CAST: variants seen among roughly 807,000 people sequenced by gnomAD.
CAST encodes calpastatin, also known as MIR583 host.
In CAST, 76 loss-of-function variants were observed where a neutral mutation model predicts 119.6. The ratio of observed to expected loss-of-function variants is 0.64; its 90% confidence interval spans 0.53 to 0.77. The LOEUF (loss-of-function observed/expected upper bound fraction) is 0.77. Ranked by LOEUF, CAST falls within the 30% of genes least tolerant of loss-of-function variation. CAST has a pLI of 0.00. For missense variants in CAST, 953 were observed against 946.5 expected (o/e 1.01, Z -0.09); for synonymous variants, 319 against 331.6 (o/e 0.96, Z 0.41).
At chr5:96,534,714 G>GGAAGGAAGGAAGGAAGGAAGGAAGGA (rs1554066221) in intron 1 of CAST, among the ~76,000 whole-genome samples, 4 of 13,964 alleles carry the variant, frequency 2.9e-4, no homozygotes, top group Non-Finnish European at 5.0e-4. Flanking sequence ...AAGGAAGGAA[G>GGAAGGAAGGAAGGAAGGAAGGAAGGA]GAGAGAGAGA....
At chr5:96,132,351 T>G in the CAST span, among the ~76,000 whole-genome samples, 1 of 152,142 alleles carries the variant, frequency 6.6e-6, no homozygotes, top group African/African-American at 2.4e-5. Context: ...CAATGCATAA[T>G]GATCAAATTA....
At chr5:96,238,554 AT>A in the CAST span, among the ~76,000 whole-genome samples, 45,588 of 136,076 alleles carry the variant, frequency 0.34, 7,169 homozygotes, top group Admixed American at 0.43. Flanking sequence ...CACCTGGCTA[AT>A]TTTTTTTTTT....
At chr5:96,496,956 C>G in the CAST span, among the ~76,000 whole-genome samples, 1 of 151,750 alleles carries the variant, frequency 6.6e-6, no homozygotes, top group East Asian at 1.9e-4. Flanking sequence ...GTGTACTGCA[C>G]CCAGTAACTC....
the CAST span, among the ~76,000 whole-genome samples, chr5:96,317,818 A>ACAAAC: frequency 6.6e-6 from 1 of 152,168 alleles, no homozygotes; most frequent in Admixed American, 6.5e-5. Context: ...TTTTTAGGAA[A>ACAAAC]CAAACCAAAC....
At chr5:96,153,817 T>C in the CAST span, among the ~76,000 whole-genome samples, 1 of 152,234 alleles carries the variant, frequency 6.6e-6, no homozygotes, top group East Asian at 1.9e-4. Flanking sequence ...ACATAGTCTC[T>C]GACCTGAAGT....
intron 2 of CAST, among the ~76,000 whole-genome samples, chr5:96,684,369 G>T (rs73774385): frequency 6.6e-6 from 1 of 151,972 alleles, no homozygotes; most frequent in East Asian, 1.9e-4. Context: ...GGTGAGTCTC[G>T]TATTGATGTC....
the CAST span, among the ~76,000 whole-genome samples, chr5:96,021,194 G>C: frequency 9.2e-5 from 14 of 152,264 alleles, no homozygotes; most frequent in African/African-American, 2.9e-4. Context: ...AGAAACTCTA[G>C]CATCATAGGA....
chr5:96,109,189 G>A, the CAST span, among the ~76,000 whole-genome samples: 2 of 152,204 alleles, frequency 1.3e-5, no homozygotes, highest in African/African-American at 4.8e-5. Flanking sequence ...CGTCTTCTGT[G>A]TCGCTCACAC....
the CAST span, among the ~76,000 whole-genome samples, chr5:96,276,622 CT>C: frequency 6.6e-6 from 1 of 152,338 alleles, no homozygotes; most frequent in East Asian, 1.9e-4. Context: ...TCTACTATTG[CT>C]GAATATTTTT....
At chr5:96,088,786 G>A in the CAST span, among the ~76,000 whole-genome samples, 2 of 152,002 alleles carry the variant, frequency 1.3e-5, no homozygotes, top group African/African-American at 2.4e-5. Context: ...CCTTTTCCCC[G>A]AGAAACAGGG....
the CAST span, among the ~76,000 whole-genome samples, chr5:96,006,991 C>G: frequency 6.6e-6 from 1 of 152,106 alleles, no homozygotes; most frequent in African/African-American, 2.4e-5. Context: ...GCATAATAAC[C>G]TATAATTTTA....
the CAST span, among the ~76,000 whole-genome samples, chr5:96,321,620 A>G: frequency 6.6e-6 from 1 of 152,216 alleles, no homozygotes; most frequent in Admixed American, 6.5e-5. Context: ...ACAAGTCACC[A>G]GTGTCCTCAT....
chr5:96,400,005 T>C, the CAST span: 1 of 1,614,212 alleles, frequency 6.2e-7, no homozygotes, highest in Admixed American at 1.7e-5. Flanking sequence ...TCAGGCACGC[T>C]CCTCCAGGTC....
the CAST span, among the ~76,000 whole-genome samples, chr5:96,229,211 CAAATG>C: frequency 7.9e-5 from 12 of 151,144 alleles, no homozygotes; most frequent in African/African-American, 2.9e-4. Context: ...ATCACAAACA[CAAATG>C]AAATCGTATT....
the CAST span, among the ~76,000 whole-genome samples, chr5:96,459,338 G>A: frequency 2.0e-5 from 3 of 152,070 alleles, no homozygotes; most frequent in Admixed American, 6.6e-5. Context: ...GTCGTATATT[G>A]TAATGTAGAT....
At chr5:96,303,035 T>A in the CAST span, among the ~76,000 whole-genome samples, 1 of 152,156 alleles carries the variant, frequency 6.6e-6, no homozygotes, top group East Asian at 1.9e-4. Context: ...GACTGTGTGA[T>A]GTATAAAGAG....
At chr5:96,416,108 A>G in the CAST span, 2 of 1,610,332 alleles carry the variant, frequency 1.2e-6, no homozygotes, top group Non-Finnish European at 1.7e-6. Context: ...TCTCCTGCAC[A>G]TCTGGTCCCG....
the CAST span, among the ~76,000 whole-genome samples, chr5:96,198,837 A>C: frequency 7.2e-5 from 11 of 152,044 alleles, no homozygotes; most frequent in Admixed American, 4.6e-4. Flanking sequence ...CTACATTTTT[A>C]TGACTTGAAT....
the CAST span, among the ~76,000 whole-genome samples, chr5:96,517,894 T>C: frequency 6.6e-6 from 1 of 152,236 alleles, no homozygotes; most frequent in Admixed American, 6.5e-5. Flanking sequence ...TTACAGAGAC[T>C]GTGTTAAGCC....
Sources: allele counts gnomAD v4.1 joint callset (sites outside exome capture counted in the v4.1 genomes callset), GRCh38; gene constraint gnomAD v4.1.1; transcripts MANE v1.5; gene names NCBI Gene and HGNC (gene_info 2026-07-23, HGNC 2026-07-21).